Variants in ASAP1 observed in about 807,000 individuals in gnomAD.
ASAP1 encodes the protein ArfGAP with SH3 domain, ankyrin repeat and PH domain 1.
A neutral mutation model predicts 145.2 loss-of-function variants in ASAP1; 43 were observed. The observed-to-expected ratio is 0.30, with a 90% CI of 0.23 to 0.38. The LOEUF (loss-of-function observed/expected upper bound fraction) is 0.38. ASAP1 is among the 10% of genes least tolerant of loss of function. ASAP1 has a pLI of 1.00. For synonymous variants in ASAP1, 546 were observed against 515.5 expected (o/e 1.06, Z -0.80); for missense variants, 1,018 against 1,355.3 (o/e 0.75, Z 3.91).
At chr8:130,298,066 T>C (rs1457922662) in intron 3 of ASAP1, among the ~76,000 whole-genome samples, 1 of 152,162 alleles carries the variant, frequency 6.6e-6, no homozygotes, top group Non-Finnish European at 1.5e-5. Flanking sequence ...AACATGGGTG[T>C]TGGATGGGAT....
intron 9 of ASAP1, among the ~76,000 whole-genome samples, chr8:130,174,174 G>GTGGTAACCT (rs886492288): frequency 6.7e-6 from 1 of 150,094 alleles, no homozygotes; most frequent in Admixed American, 6.6e-5. Context: ...CTTACTATAC[G>GTGGTAACCT]TGGTAACCTT....
At chr8:130,391,712 C>T (rs1209755364) in intron 2 of ASAP1, among the ~76,000 whole-genome samples, 1 of 152,170 alleles carries the variant, frequency 6.6e-6, no homozygotes, top group Non-Finnish European at 1.5e-5. Flanking sequence ...ATGTCAGTGG[C>T]AATAGATATC....
At chr8:130,157,009 A>T (rs1031268545) in intron 12 of ASAP1, among the ~76,000 whole-genome samples, 2 of 152,238 alleles carry the variant, frequency 1.3e-5, no homozygotes, top group African/African-American at 4.8e-5. Flanking sequence ...TTCAATAGAT[A>T]TGTAATAGTA....
chr8:130,210,656 C>A (rs1415317936), intron 5 of ASAP1, among the ~76,000 whole-genome samples: 1 of 152,180 alleles, frequency 6.6e-6, no homozygotes, highest in Non-Finnish European at 1.5e-5. Flanking sequence ...CCTTTACCAT[C>A]CACATAATCC....
chr8:130,153,345 ATATATATATATATG>A (rs1228124915), intron 12 of ASAP1, among the ~76,000 whole-genome samples: 19 of 47,934 alleles, frequency 4.0e-4, no homozygotes, highest in African/African-American at 8.5e-4. Context: ...ATATATATAT[ATATATATATATATG>A]TATATATATA....
chr8:130,171,619 G>A (rs1301784493), intron 9 of ASAP1, among the ~76,000 whole-genome samples: 1 of 152,122 alleles, frequency 6.6e-6, no homozygotes, highest in Non-Finnish European at 1.5e-5. Context: ...ATTTGGGTGG[G>A]GACATGGAGC....
At chr8:130,256,427 T>C (rs1819520510) in intron 3 of ASAP1, among the ~76,000 whole-genome samples, 2 of 152,010 alleles carry the variant, frequency 1.3e-5, no homozygotes, top group South Asian at 2.1e-4. Context: ...GTGGGGGAAC[T>C]TCCATCACCA....
intron 24 of ASAP1, among the ~76,000 whole-genome samples, chr8:130,109,969 G>T (rs1438036073): frequency 6.6e-6 from 1 of 152,064 alleles, no homozygotes; most frequent in African/African-American, 2.4e-5. Flanking sequence ...GCTTTTTTTG[G>T]GGGAAGTGGG....
At position 130,424,398 on chromosome 8, in the gene ASAP1, G is replaced by A. The variant is rs114020810; in HGVS notation, c.-28+19062C>T. Among the ~76,000 whole-genome samples the A allele has an allele frequency of 4.5e-3, 687 of 152,276 alleles. 7 individuals carry two copies. Among genetic ancestry groups the A allele is most frequent in the South Asian group, 0.019 (94 of 4,828 alleles). On this transcript the variant is annotated intron_variant, in intron 1 of 29. Coordinates refer to ENST00000518721, the MANE Select transcript of ASAP1 (RefSeq NM_018482.4). Reference sequence around the variant, plus strand: ...TGCCTCTGCCATGTAGACAAGCCTCGGAGAGCACTCCACTTCCCAAGAGCC... The same window carrying A: ...TGCCTCTGCCATGTAGACAAGCCTCAGAGAGCACTCCACTTCCCAAGAGCC...
intron 24 of ASAP1, among the ~76,000 whole-genome samples, chr8:130,103,383 C>T (rs1293253200): frequency 6.6e-6 from 1 of 151,986 alleles, no homozygotes; most frequent in Admixed American, 6.6e-5. Context: ...ATTGTCTTTT[C>T]AGTTGCAACT....
rs577495245 is a variant in ASAP1 at position 130,431,438 on chromosome 8, G to A, written c.-28+12022C>T. The stretch of plus-strand genomic sequence containing the variant: ...TCAAACGTTAGGTTCCAACCATAAC[G>A]AACCACTTGTAATTTCCAGCACATA... On this transcript the variant is annotated intron_variant, in intron 1 of 29. Transcript: ENST00000518721. Among the ~76,000 whole-genome samples, 155 of 152,246 alleles carry A rather than the reference G, an allele frequency of 1.0e-3. 1 individual carries two copies. The highest frequency in any genetic ancestry group is 6.8e-3 in the Middle Eastern group (2 of 294).
chr8:130,288,836 T>C (rs868850752), intron 3 of ASAP1, among the ~76,000 whole-genome samples: 1 of 152,242 alleles, frequency 6.6e-6, no homozygotes, highest in African/African-American at 2.4e-5. Flanking sequence ...TGATGGGAGA[T>C]GGTTAAGCAA....
At chr8:130,234,891 G>GACT in intron 4 of ASAP1, among the ~76,000 whole-genome samples, 1 of 152,044 alleles carries the variant, frequency 6.6e-6, no homozygotes, top group Non-Finnish European at 1.5e-5. Flanking sequence ...TGTTGTATGT[G>GACT]GAATCACTGA....
At chr8:130,424,772 T>C (rs1478993188) in intron 1 of ASAP1, among the ~76,000 whole-genome samples, 1 of 151,932 alleles carries the variant, frequency 6.6e-6, no homozygotes, top group Non-Finnish European at 1.5e-5. Flanking sequence ...GGTGGGCGGA[T>C]CACGAGGTCA....
At chr8:130,065,950 T>G (rs2097429839) in intron 27 of ASAP1, among the ~76,000 whole-genome samples, 1 of 152,178 alleles carries the variant, frequency 6.6e-6, no homozygotes, top group Non-Finnish European at 1.5e-5. Context: ...AGTTCCTTCT[T>G]GGGCCGTTTT....
At chr8:130,144,362 T>C (rs2097621793) in intron 13 of ASAP1, among the ~76,000 whole-genome samples, 1 of 152,218 alleles carries the variant, frequency 6.6e-6, no homozygotes, top group Non-Finnish European at 1.5e-5. Flanking sequence ...ATTTTTGCAA[T>C]GACTCTATGA....
intron 27 of ASAP1, among the ~76,000 whole-genome samples, chr8:130,074,202 CAT>C (rs1242048265): frequency 2.0e-5 from 3 of 151,578 alleles, no homozygotes; most frequent in Non-Finnish European, 4.4e-5. Context: ...ATTTTTTAGA[CAT>C]GATGAATTTT....
At chr8:130,389,025 T>C (rs1262147923) in intron 2 of ASAP1, among the ~76,000 whole-genome samples, 2 of 152,166 alleles carry the variant, frequency 1.3e-5, no homozygotes, top group African/African-American at 4.8e-5. Flanking sequence ...ACTCACAGGA[T>C]TGTTGTAAGG....
Position 130,107,536 on chromosome 8 carries a change from AT to A in ASAP1, c.2401+4557del, listed in dbSNP as rs1207865224. ...AAAAAATGTATGTATGTATGTATGT[AT>A]GTATGTATGTATGTATGTATGTATT... is the stretch of plus-strand genomic sequence containing the variant. On this transcript the variant is annotated intron_variant, in intron 24 of 29. Transcript: ENST00000518721. Among the ~76,000 whole-genome samples, 75 of 85,814 alleles carry A rather than the reference AT, an allele frequency of 8.7e-4. 1 individual carries two copies. The highest frequency in any genetic ancestry group is 2.8e-3 in the African/African-American group (73 of 26,246). The allele number at this position is 85,814 out of a possible 152,430, so 56.3% of individuals were successfully genotyped here. A position where few individuals can be genotyped will look rare whatever the true frequency, so the allele number is the denominator to read the frequency against.
Sources: allele counts gnomAD v4.1 joint callset (sites outside exome capture counted in the v4.1 genomes callset), GRCh38; gene constraint gnomAD v4.1.1; transcripts MANE v1.5; gene names NCBI Gene and HGNC (gene_info 2026-07-23, HGNC 2026-07-21).